ME1: variants seen among roughly 807,000 people sequenced by gnomAD.
The protein encoded by ME1 is NADP-dependent malic enzyme.
Under a neutral mutation model 66.4 loss-of-function variants are expected in ME1, and 74 were observed. That is an observed-to-expected ratio of 1.11 (90% confidence interval 0.92 to 1.35). The LOEUF is 1.35. Ranked by LOEUF, ME1 falls within the 40% of genes most tolerant of loss-of-function variation. ME1 has a pLI of 0.00. For synonymous variants in ME1, 251 were observed against 235.6 expected, an observed-to-expected ratio of 1.07 and a Z score of -0.60; for missense variants, 750 against 694.1, an observed-to-expected ratio of 1.08 and a Z score of -0.90.
intron 3 of ME1, among the ~76,000 whole-genome samples, chr6:83,397,079 T>G (rs1001893533): frequency 6.6e-6 from 1 of 152,120 alleles, no homozygotes; most frequent in African/African-American, 2.4e-5. Flanking sequence ...GTTTGGGCAA[T>G]GATGTTTTTA....
intron 5 of ME1, among the ~76,000 whole-genome samples, chr6:83,323,109 G>C (rs1007201513): frequency 6.6e-6 from 1 of 152,120 alleles, no homozygotes; most frequent in East Asian, 1.9e-4. Context: ...AAATGCTGAG[G>C]GATTTTGTCA....
intron 7 of ME1, among the ~76,000 whole-genome samples, chr6:83,240,473 A>G (rs997895286): frequency 1.3e-5 from 2 of 152,254 alleles, no homozygotes; most frequent in Non-Finnish European, 2.9e-5. Context: ...CAATTATATT[A>G]CTTTACCATA....
chr6:83,296,793 T>C (rs1366292048), intron 6 of ME1, among the ~76,000 whole-genome samples: 1 of 152,230 alleles, frequency 6.6e-6, no homozygotes. Context: ...AAAAGCTCCT[T>C]CATTTGATAA....
intron 7 of ME1, among the ~76,000 whole-genome samples, chr6:83,244,952 A>G (rs1249720394): frequency 3.3e-5 from 5 of 152,156 alleles, no homozygotes; most frequent in African/African-American, 9.7e-5. Context: ...AGAAAATGAA[A>G]AATTGCTATT....
chr6:83,315,209 T>G, intron 6 of ME1, 101 bp downstream of exon 6: 2 of 691,078 alleles, frequency 2.9e-6, no homozygotes, highest in South Asian at 1.9e-5. Context: ...TCATTCAAAT[T>G]ACTTCTAATT....
intron 6 of ME1, among the ~76,000 whole-genome samples, chr6:83,283,568 T>A (rs961792975): frequency 1.3e-5 from 2 of 151,634 alleles, no homozygotes; most frequent in African/African-American, 4.8e-5. Context: ...TGCACATGTA[T>A]CCCAGAACTT....
chr6:83,297,979 T>G (rs1767633808), intron 6 of ME1, among the ~76,000 whole-genome samples: 1 of 152,240 alleles, frequency 6.6e-6, no homozygotes, highest in African/African-American at 2.4e-5. Flanking sequence ...ACATTTGGGT[T>G]GATTCACTAC....
At chr6:83,341,395 T>A (rs1042325820) in intron 5 of ME1, among the ~76,000 whole-genome samples, 16 of 152,170 alleles carry the variant, frequency 1.1e-4, no homozygotes, top group Non-Finnish European at 1.5e-5. Context: ...TCTTAGCAAA[T>A]TATCAAGCCT....
chr6:83,410,819 C>T (rs971121729), intron 1 of ME1, among the ~76,000 whole-genome samples: 2 of 152,198 alleles, frequency 1.3e-5, no homozygotes, highest in African/African-American at 4.8e-5. Context: ...AGTCTTTTAA[C>T]ATAAATTTTC....
chr6:83,328,731 G>A (rs936942116), intron 5 of ME1, among the ~76,000 whole-genome samples: 6 of 152,142 alleles, frequency 3.9e-5, no homozygotes, highest in Non-Finnish European at 7.4e-5. Flanking sequence ...ATAGATCACT[G>A]TTAGAGAATA....
intron 1 of ME1, among the ~76,000 whole-genome samples, chr6:83,418,621 G>A (rs951017134): frequency 2.0e-5 from 3 of 152,176 alleles, no homozygotes; most frequent in African/African-American, 7.2e-5. Context: ...TGTGGCTTAA[G>A]CAAGTTGACA....
At chr6:83,291,750 G>A (rs1482242288) in intron 6 of ME1, among the ~76,000 whole-genome samples, 1 of 152,078 alleles carries the variant, frequency 6.6e-6, no homozygotes, top group African/African-American at 2.4e-5. Context: ...TCACTTTCAG[G>A]TACACCAGTC....
intron 6 of ME1, among the ~76,000 whole-genome samples, chr6:83,268,727 C>CATTATT (rs1767031861): frequency 8.2e-6 from 1 of 121,272 alleles, no homozygotes; most frequent in Non-Finnish European, 1.6e-5. Context: ...CACCATGCCC[C>CATTATT]GTTATTATTA....
chr6:83,393,416 C>T (rs1456062417), intron 3 of ME1: 40 of 656,308 alleles, frequency 6.1e-5, no homozygotes, highest in South Asian at 2.5e-4. Context: ...GTAAGACCCC[C>T]AGACCACCAG....
chr6:83,230,714 G>C (rs1790289738), intron 9 of ME1, among the ~76,000 whole-genome samples: 1 of 152,046 alleles, frequency 6.6e-6, no homozygotes, highest in Non-Finnish European at 1.5e-5. Flanking sequence ...GGCGGATCAC[G>C]AGGTCAGGAG....
intron 1 of ME1, among the ~76,000 whole-genome samples, chr6:83,428,873 C>A (rs918715357): frequency 6.6e-6 from 1 of 152,122 alleles, no homozygotes; most frequent in African/African-American, 2.4e-5. Context: ...TACATCTTAT[C>A]TTTGATAGAA....
chr6:83,425,900 A>G (rs927416157), intron 1 of ME1, among the ~76,000 whole-genome samples: 3 of 126,390 alleles, frequency 2.4e-5, no homozygotes, highest in African/African-American at 7.4e-5. Flanking sequence ...ATCTGTCCCC[A>G]AAAGTCCATG....
At chr6:83,372,753 T>C (rs116155209) in intron 3 of ME1, among the ~76,000 whole-genome samples, 133 of 152,272 alleles carry the variant, frequency 8.7e-4, no homozygotes, top group African/African-American at 3.1e-3. Context: ...ATTCAGACAA[T>C]GTAGAGTAGA....
intron 5 of ME1, among the ~76,000 whole-genome samples, chr6:83,330,172 C>A (rs532012167): frequency 6.6e-6 from 1 of 152,282 alleles, no homozygotes; most frequent in South Asian, 2.1e-4. Flanking sequence ...GAACATTATA[C>A]ACCTTTATCT....
Sources: allele counts gnomAD v4.1 joint callset (sites outside exome capture counted in the v4.1 genomes callset), GRCh38; gene constraint gnomAD v4.1.1; transcripts MANE v1.5; gene names NCBI Gene and HGNC (gene_info 2026-07-23, HGNC 2026-07-21).